SLIT1: variants seen among roughly 807,000 people sequenced by gnomAD.
SLIT1 encodes slit guidance ligand 1.
SLIT1 carries 66 observed loss-of-function variants against 186.1 expected under a neutral mutation model. The ratio of observed to expected loss-of-function variants is 0.35; its 90% CI spans 0.29 to 0.44. The LOEUF is 0.44. Ranked by LOEUF, SLIT1 falls within the 20% of genes least tolerant of loss-of-function variation. The pLI, the probability that SLIT1 is intolerant of heterozygous loss-of-function variation, is 1.00. For missense variants in SLIT1, 1,638 were observed against 2,037.4 expected (o/e 0.80, Z 3.77); for synonymous variants, 761 against 833.8 (o/e 0.91, Z 1.50).
At chr10:97,074,189 C>A (rs1374417622) in intron 4 of SLIT1, among the ~76,000 whole-genome samples, 1 of 152,228 alleles carries the variant, frequency 6.6e-6, no homozygotes, top group Non-Finnish European at 1.5e-5. Flanking sequence ...AACCTCCCAG[C>A]AGACACTCTC....
chr10:97,115,127 G>A (rs1262897623), intron 4 of SLIT1, among the ~76,000 whole-genome samples: 1 of 152,210 alleles, frequency 6.6e-6, no homozygotes, highest in Non-Finnish European at 1.5e-5. Context: ...TGAGCTTCAA[G>A]GAAACATTTG....
At chr10:97,028,939 C>T (rs1848568518) in intron 25 of SLIT1, among the ~76,000 whole-genome samples, 2 of 152,204 alleles carry the variant, frequency 1.3e-5, no homozygotes, top group Non-Finnish European at 2.9e-5. Context: ...CTTACCCCTC[C>T]CACTTCCATG....
chr10:97,003,475 A>C (rs1848330919), intron 34 of SLIT1, among the ~76,000 whole-genome samples: 1 of 152,152 alleles, frequency 6.6e-6, no homozygotes. Flanking sequence ...CTGAAGCTGC[A>C]CAAGGAGTAA....
intron 4 of SLIT1, among the ~76,000 whole-genome samples, chr10:97,145,533 G>A (rs1402786453): frequency 2.6e-5 from 4 of 152,084 alleles, no homozygotes; most frequent in African/African-American, 4.8e-5. Flanking sequence ...CCTCTCTGCC[G>A]GGCTGTAGTC....
At chr10:97,020,685 C>T (rs1345491944) in intron 26 of SLIT1, among the ~76,000 whole-genome samples, 1 of 152,268 alleles carries the variant, frequency 6.6e-6, no homozygotes, top group Non-Finnish European at 1.5e-5. Context: ...GCACATAAAG[C>T]CCGGCCCCGG....
At chr10:97,176,441 C>T (rs2134742449) in intron 1 of SLIT1, among the ~76,000 whole-genome samples, 1 of 152,250 alleles carries the variant, frequency 6.6e-6, no homozygotes, top group East Asian at 1.9e-4. Context: ...TCCTTCCCTC[C>T]CCAAGAGACT....
chr10:97,012,723 T>C lies in SLIT1; in HGVS notation c.3203+1018A>G, dbSNP rs145023995. On this transcript the variant is annotated intron_variant, in intron 30 of 36. Coordinates refer to ENST00000266058, the MANE Select transcript of SLIT1 (RefSeq NM_003061.3). ...GAGGCTCTTGTGGGCCCATTTACCG[T>C]GGAACCAGGCCTCAACAATCCTGGG... 2.6e-3 allele frequency among the ~76,000 whole-genome samples: 397 copies of C among 152,318 alleles called. 5 individuals carry two copies. Among genetic ancestry groups the C allele is most frequent in the African/African-American group, 8.7e-3 (363 of 41,570 alleles).
chr10:97,064,663 TC>T, intron 6 of SLIT1, 141 bp downstream of exon 6: 1 of 647,318 alleles, frequency 1.5e-6, no homozygotes, highest in Non-Finnish European at 2.7e-6. Flanking sequence ...TGAGTGCCTG[TC>T]CTCCCCTCCT....
intron 5 of SLIT1, chr10:97,065,644 C>A: frequency 4.7e-6 from 1 of 213,238 alleles, no homozygotes; most frequent in Non-Finnish European, 9.6e-6. Flanking sequence ...CTTGCAGCGG[C>A]CTTATGTATG....
intron 4 of SLIT1, among the ~76,000 whole-genome samples, chr10:97,129,123 C>T (rs895185560): frequency 2.0e-4 from 30 of 152,000 alleles, no homozygotes; most frequent in Non-Finnish European, 7.4e-5. Flanking sequence ...CTAATATGGC[C>T]GGGTGCGGTG....
At chr10:97,062,154 C>T (rs1308521383) in intron 8 of SLIT1, among the ~76,000 whole-genome samples, 1 of 152,234 alleles carries the variant, frequency 6.6e-6, no homozygotes, top group Non-Finnish European at 1.5e-5. Flanking sequence ...GATGCAGAGG[C>T]AGTCCTGGCT....
Position 97,021,558 on chromosome 10 carries a change from C to T in SLIT1, c.2583-145G>A. The T allele has an allele frequency of 1.0e-5, 5 of 480,362 alleles. No homozygotes were observed. The highest frequency in any genetic ancestry group is 1.0e-5 in the Non-Finnish European group (3 of 289,808). The allele number at this position is 480,362 out of a possible 1,614,324, so 29.8% of individuals were successfully genotyped here. On this transcript the variant is annotated intron_variant, in intron 25 of 36. Coordinates refer to ENST00000266058, the MANE Select transcript of SLIT1 (RefSeq NM_003061.3). This position sits in a 1 kb window ranked among gnomAD's most constrained non-coding sequence, Gnocchi z 4.5. ...AGCATTTACTGTATAGTCAGTGCTG[C>T]TTTTTTTTTTTTTTCTTTTTTTGAG...
chr10:97,053,163 A>G (rs1419070717), intron 13 of SLIT1, among the ~76,000 whole-genome samples: 1 of 152,222 alleles, frequency 6.6e-6, no homozygotes, highest in Non-Finnish European at 1.5e-5. Flanking sequence ...TTAAGATAAT[A>G]CATGCAAAGA....
chr10:97,091,673 A>G (rs1849233443), intron 4 of SLIT1, among the ~76,000 whole-genome samples: 1 of 152,194 alleles, frequency 6.6e-6, no homozygotes, highest in Non-Finnish European at 1.5e-5. Context: ...TAGCTCGTTT[A>G]CAGTCATACT....
At position 97,068,818 on chromosome 10, in the gene SLIT1, C is replaced by T. The variant is rs1848976345; in HGVS notation, c.414-2732G>A. Among the ~76,000 whole-genome samples the T allele has an allele frequency of 6.6e-6, 1 of 152,204 alleles. No individual in the cohort carries two copies. The highest frequency in any genetic ancestry group is 1.5e-5 in the Non-Finnish European group (1 of 68,046). On this transcript the variant is annotated intron_variant, in intron 4 of 36. Coordinates refer to ENST00000266058, the MANE Select transcript of SLIT1 (RefSeq NM_003061.3). The surrounding 1 kb of genome is among the most constrained non-coding windows in gnomAD (Gnocchi z 4.2). The stretch of plus-strand genomic sequence containing the variant: ...CTGGAGACATTCCCCAGATTCCGCC[C>T]ATTTAGGCTACTCCCCAGAGGGCCC...
intron 2 of SLIT1, among the ~76,000 whole-genome samples, chr10:97,164,121 A>G (rs376285423): frequency 1.1e-4 from 16 of 152,352 alleles, no homozygotes; most frequent in African/African-American, 3.4e-4. Flanking sequence ...AACCCAGAGC[A>G]TCCGGCTGGT....
At chr10:97,052,102 T>C (rs1056410125) in intron 13 of SLIT1, among the ~76,000 whole-genome samples, 5 of 68,004 alleles carry the variant, frequency 7.4e-5, no homozygotes, top group Non-Finnish European at 1.1e-4. Context: ...TTTTTTTTGT[T>C]TGTTTTTTTT....
At chr10:97,015,521 T>C (rs1489572232) in intron 28 of SLIT1, among the ~76,000 whole-genome samples, 2 of 152,220 alleles carry the variant, frequency 1.3e-5, no homozygotes, top group African/African-American at 4.8e-5. Context: ...ATGAACAAAC[T>C]TCCCAGCATT....
At chr10:97,054,764 C>T (rs1258737622) in intron 13 of SLIT1, among the ~76,000 whole-genome samples, 1 of 152,142 alleles carries the variant, frequency 6.6e-6, no homozygotes, top group Non-Finnish European at 1.5e-5. Flanking sequence ...CCTACAGAAC[C>T]AATGATGCAG....
Sources: allele counts gnomAD v4.1 joint callset (sites outside exome capture counted in the v4.1 genomes callset), GRCh38; gene constraint gnomAD v4.1.1; non-coding constraint Gnocchi (gnomAD v3.1); transcripts MANE v1.5; gene names NCBI Gene and HGNC (gene_info 2026-07-23, HGNC 2026-07-21).